The following LZTS1 variants were observed in gnomAD, a reference collection of about 807,000 sequenced individuals.
The protein encoded by LZTS1 is leucine zipper tumor suppressor 1, also known as leucine zipper putative tumor suppressor 1.
Under a neutral mutation model 45.8 loss-of-function variants are expected in LZTS1, and 31 were observed. The ratio of observed to expected loss-of-function variants is 0.68; its 90% confidence interval spans 0.51 to 0.91. The LOEUF is 0.91. Ranked by LOEUF, LZTS1 falls within the 40% of genes least tolerant of loss-of-function variation. The probability of loss-of-function intolerance (pLI) is 0.00; values close to 1 mark genes in which losing one functional copy is unlikely to be tolerated. For missense variants in LZTS1, 821 were observed against 788.9 expected, an observed-to-expected ratio of 1.04 and a Z score of -0.49; for synonymous variants, 359 against 357.3, an observed-to-expected ratio of 1.00 and a Z score of -0.05.
chr8:20,301,574 A>C (rs980451088), intron 1 of LZTS1, among the ~76,000 whole-genome samples: 1 of 152,184 alleles, frequency 6.6e-6, no homozygotes, highest in Admixed American at 6.5e-5. Context: ...TTATGAAATG[A>C]ACGTTGAATA....
At chr8:20,282,870 T>A (rs1800720617) in intron 1 of LZTS1, among the ~76,000 whole-genome samples, 1 of 152,352 alleles carries the variant, frequency 6.6e-6, no homozygotes, top group Admixed American at 6.5e-5. Flanking sequence ...TGATAGTGCA[T>A]GGGACTTGTC....
intron 1 of LZTS1, among the ~76,000 whole-genome samples, chr8:20,269,026 C>T (rs1191091207): frequency 6.6e-6 from 1 of 152,158 alleles, no homozygotes; most frequent in Non-Finnish European, 1.5e-5. Flanking sequence ...TGTGTCTTAG[C>T]AGCATTGATT....
rs1585269471 is a variant in LZTS1 at position 20,248,392 on chromosome 8, T to C, written c.*1330A>G. On this transcript the variant is annotated 3_prime_UTR_variant, in exon 4 of 4. Transcript: ENST00000381569. ...CCTTTTATCTCTCTCTACCACCGCC[T>C]CCCGCTCCGCACATCTGCAGAGAAA... The C allele has an allele frequency of 6.6e-6, 1 of 152,366 alleles. No individual in the cohort carries two copies. The highest frequency in any genetic ancestry group is 6.5e-5 in the Admixed American group (1 of 15,284). The allele number at this position is 152,366 out of a possible 1,614,324, so 9.4% of individuals were successfully genotyped here.
At chr8:20,284,315 G>A (rs1374757013) in intron 1 of LZTS1, among the ~76,000 whole-genome samples, 1 of 152,218 alleles carries the variant, frequency 6.6e-6, no homozygotes, top group Non-Finnish European at 1.5e-5. Context: ...GGAGTCACTG[G>A]ATGAAGGACT....
intron 1 of LZTS1, among the ~76,000 whole-genome samples, chr8:20,261,240 A>T (rs1800222049): frequency 6.6e-6 from 1 of 152,216 alleles, no homozygotes; most frequent in Non-Finnish European, 1.5e-5. Context: ...TCCACATGGC[A>T]TGCTACGTGA....
At chr8:20,290,817 A>G (rs533268512) in intron 1 of LZTS1, among the ~76,000 whole-genome samples, 2 of 152,354 alleles carry the variant, frequency 1.3e-5, no homozygotes, top group South Asian at 4.1e-4. Flanking sequence ...GCTTTGAAGC[A>G]GGAGGAAGGA....
chr8:20,249,770 C>T lies in LZTS1; in HGVS notation c.1743G>A (p.Leu581=). Residue 581 remains leucine (L), a synonymous_variant, in exon 4 of 4, where the codon CTG becomes CTA. Transcript: ENST00000381569. ...DSAGEPLEVD[L]EGADIPYEDI... ...CCTCGTAGGGGATGTCAGCCCCTTC[C>T]AGGTCAACCTCCAAGGGCTCCCCGG... 5 of 1,613,150 alleles carry T rather than the reference C, an allele frequency of 3.1e-6. No individual in the cohort carries two copies. The highest frequency in any genetic ancestry group is 3.4e-6 in the Non-Finnish European group (4 of 1,179,972).
At chr8:20,257,071 C>T (rs898957319) in intron 1 of LZTS1, among the ~76,000 whole-genome samples, 2 of 151,986 alleles carry the variant, frequency 1.3e-5, no homozygotes. Context: ...GTCAAATGGC[C>T]AGGCGCAATG....
intron 1 of LZTS1, among the ~76,000 whole-genome samples, chr8:20,265,676 C>CAAAAA (rs71222140): frequency 0.2 from 8,631 of 42,970 alleles, 2,866 homozygotes; most frequent in East Asian, 0.31. Context: ...GACTCTGTCT[C>CAAAAA]AAAAAAAAAA....
chr8:20,280,972 T>A (rs1800680200), intron 1 of LZTS1, among the ~76,000 whole-genome samples: 1 of 152,218 alleles, frequency 6.6e-6, no homozygotes, highest in Non-Finnish European at 1.5e-5. Context: ...AGTTCGCTTA[T>A]CTGTTCTTTC....
chr8:20,295,882 C>A (rs906267503), intron 1 of LZTS1, among the ~76,000 whole-genome samples: 1 of 152,164 alleles, frequency 6.6e-6, no homozygotes, highest in Admixed American at 6.5e-5. Flanking sequence ...TCACTGGGGT[C>A]ACCAGGGAAA....
chr8:20,267,385 G>C (rs558246430), intron 1 of LZTS1, among the ~76,000 whole-genome samples: 1 of 152,136 alleles, frequency 6.6e-6, no homozygotes, highest in African/African-American at 2.4e-5. Flanking sequence ...TAATTCTGGT[G>C]CTGCCTCACT....
chr8:20,270,907 A>G (rs1165922868), intron 1 of LZTS1, among the ~76,000 whole-genome samples: 2 of 151,826 alleles, frequency 1.3e-5, no homozygotes, highest in Admixed American at 6.6e-5. Flanking sequence ...CGGAACCCAG[A>G]AAGGATTGGA....
intron 3 of LZTS1, among the ~76,000 whole-genome samples, chr8:20,251,172 G>T (rs1799898662): frequency 7.4e-6 from 1 of 134,320 alleles, no homozygotes; most frequent in Non-Finnish European, 1.6e-5. Context: ...TAAGAGTAGA[G>T]ATTTGATCCC....
At chr8:20,294,609 G>A (rs535692122) in intron 1 of LZTS1, among the ~76,000 whole-genome samples, 1 of 152,312 alleles carries the variant, frequency 6.6e-6, no homozygotes, top group Non-Finnish European at 1.5e-5. Flanking sequence ...AGGAGGGGGA[G>A]GCTGTCTCCT....
In LZTS1 at chr8:20,300,094, C is replaced by T. The variant is rs536975390; in HGVS notation, c.-135+3646G>A. On this transcript the variant is annotated intron_variant, in intron 1 of 3. Transcript: ENST00000381569. ...GGGGGCGAGTGTTCCCTCGGACTCC[C>T]GAACTGTTGGTGGGGCCTGAGATGG... is the stretch of plus-strand genomic sequence containing the variant. Among the ~76,000 whole-genome samples the T allele has an allele frequency of 1.5e-4, 23 of 152,226 alleles. 1 individual carries two copies. The highest frequency in any genetic ancestry group is 2.1e-4 in the South Asian group (1 of 4,816).
intron 1 of LZTS1, among the ~76,000 whole-genome samples, chr8:20,261,119 C>A (rs1485060045): frequency 6.6e-6 from 1 of 152,048 alleles, no homozygotes; most frequent in Non-Finnish European, 1.5e-5. Context: ...TGACTGGGAG[C>A]ACGTATTTGG....
chr8:20,252,884 G>A lies in LZTS1; in HGVS notation c.1047C>T (p.Leu349=), dbSNP rs748857758. Residue 349 remains leucine (L), a synonymous_variant, in exon 3 of 4, where the codon CTC becomes CTT. Coordinates refer to ENST00000381569, the MANE Select transcript of LZTS1 (RefSeq NM_021020.5). ...GGTCCTGCTCCTTCATGAGGCTCTC[G>A]AGCTCCTGCCGGAGCTGCCGCTTCT... The part of the protein sequence containing the change: ...QQEKRQLRQE[L]ESLMKEQDLL... 8 of 1,610,886 alleles carry A rather than the reference G, an allele frequency of 5.0e-6. No individual in the cohort carries two copies. The highest frequency in any genetic ancestry group is 2.2e-5 in the East Asian group (1 of 44,838).
At chr8:20,256,807 G>T (rs1479853876) in intron 1 of LZTS1, among the ~76,000 whole-genome samples, 1 of 152,070 alleles carries the variant, frequency 6.6e-6, no homozygotes, top group Non-Finnish European at 1.5e-5. Flanking sequence ...AGGGTGAGTG[G>T]GCAGCTGCTG....
Sources: gnomAD v4.1 joint callset for allele counts (sites outside exome capture counted in the v4.1 genomes callset) on GRCh38, gnomAD v4.1.1 for gene constraint, MANE v1.5 for transcripts, NCBI Gene and HGNC (gene_info 2026-07-23, HGNC 2026-07-21) for gene names.